Variants in SIM2 observed in about 807,000 individuals in gnomAD.
SIM2 encodes single-minded homolog 2.
A neutral mutation model predicts 64.8 loss-of-function variants in SIM2; 28 were observed. The observed-to-expected ratio is 0.43, with a 90% CI of 0.32 to 0.59. The LOEUF is 0.59. Among genes scored for constraint, SIM2 ranks in the 20% least tolerant of loss-of-function variants. The pLI is 0.07. For synonymous variants in SIM2, 408 were observed against 391.1 expected (o/e 1.04, Z -0.51); for missense variants, 847 against 871.4 (o/e 0.97, Z 0.35).
At chr21:36,715,929 A>G (rs1332997474) in intron 3 of SIM2, among the ~76,000 whole-genome samples, 2 of 152,182 alleles carry the variant, frequency 1.3e-5, no homozygotes, top group African/African-American at 4.8e-5. Flanking sequence ...ACACTAGTAA[A>G]CAAGTGATTG....
intron 1 of SIM2, among the ~76,000 whole-genome samples, chr21:36,707,404 G>A (rs1360229361): frequency 6.6e-6 from 1 of 152,110 alleles, no homozygotes; most frequent in African/African-American, 2.4e-5. Flanking sequence ...GATTTCCCGG[G>A]ATTAAAAAGC....
chr21:36,715,855 G>T (rs184910565), intron 3 of SIM2, among the ~76,000 whole-genome samples: 104 of 152,154 alleles, frequency 6.8e-4, no homozygotes, highest in Non-Finnish European at 1.3e-3. Context: ...AGCCTTATTT[G>T]AACAAGTGTT....
intron 2 of SIM2, 158 bp downstream of exon 2, chr21:36,709,408 G>A (rs1199919383): frequency 1.4e-6 from 1 of 720,704 alleles, no homozygotes; most frequent in Non-Finnish European, 2.5e-6. Context: ...AGGGATGGAC[G>A]CTTAGCATGT....
intron 3 of SIM2, among the ~76,000 whole-genome samples, chr21:36,713,740 C>CA (rs1555874693): frequency 6.6e-6 from 1 of 152,148 alleles, no homozygotes; most frequent in East Asian, 1.9e-4. Flanking sequence ...TCTGCCAATA[C>CA]TTTTTTTTAT....
Position 36,719,957 on chromosome 21 carries a change from A to C in SIM2, c.457+28A>C, listed in dbSNP as rs77335240. ...ATTCCATCCAGAGGGAAAAAAAAAA[A>C]CAGACTAAAAGCAAGGCGACATTCT... On this transcript the variant is annotated intron_variant, in intron 4 of 10. Coordinates refer to ENST00000290399, the MANE Select transcript of SIM2 (RefSeq NM_005069.6). 1.2e-5 allele frequency: 16 copies of C among 1,282,658 alleles called. No individual in the cohort carries two copies. The Middle Eastern group carries it at 5.5e-4, about 44-fold the overall frequency. 79.5% of individuals were successfully genotyped at this position (1,282,658 alleles called of 1,614,324 possible).
chr21:36,714,064 G>A (rs1019404857), intron 3 of SIM2, among the ~76,000 whole-genome samples: 8 of 152,110 alleles, frequency 5.3e-5, no homozygotes, highest in Non-Finnish European at 7.4e-5. Flanking sequence ...AAGTAAATGC[G>A]GTCTTTCCAT....
chr21:36,742,643 T>C (rs886104016), intron 8 of SIM2, among the ~76,000 whole-genome samples: 5 of 152,138 alleles, frequency 3.3e-5, no homozygotes, highest in African/African-American at 9.7e-5. Context: ...ATAGCTATTG[T>C]ACGTTCAATC....
At chr21:36,722,072 C>T (rs530637652) in intron 4 of SIM2, among the ~76,000 whole-genome samples, 2 of 152,158 alleles carry the variant, frequency 1.3e-5, no homozygotes, top group Non-Finnish European at 2.9e-5. Context: ...AAATGACCCC[C>T]GTTGTTTTAT....
At chr21:36,712,346 G>A (rs1243158566) in intron 2 of SIM2, among the ~76,000 whole-genome samples, 187 bp from the exon 3 acceptor site, 1 of 152,178 alleles carries the variant, frequency 6.6e-6, no homozygotes. Flanking sequence ...AGCCTGGCCT[G>A]GGAACTAAAC....
chr21:36,746,056 C>T (rs2089224101), intron 10 of SIM2: 1 of 1,061,780 alleles, frequency 9.4e-7, no homozygotes, highest in Non-Finnish European at 1.2e-6. Context: ...TGGCTCACAC[C>T]TGTAATCCCA....
chr21:36,729,783 C>T (rs2088941289), intron 6 of SIM2, among the ~76,000 whole-genome samples: 2 of 152,170 alleles, frequency 1.3e-5, no homozygotes, highest in South Asian at 2.1e-4. Flanking sequence ...TGCCCGGCCC[C>T]ATTGCCCAAA....
At chr21:36,741,004 G>A (rs2089152269) in intron 7 of SIM2, among the ~76,000 whole-genome samples, 1 of 152,208 alleles carries the variant, frequency 6.6e-6, no homozygotes, top group Non-Finnish European at 1.5e-5. Flanking sequence ...GGAAGGCGGT[G>A]AGGTGGAATT....
chr21:36,724,206 CT>C (rs2088860882), intron 5 of SIM2, among the ~76,000 whole-genome samples: 1 of 152,218 alleles, frequency 6.6e-6, no homozygotes, highest in South Asian at 2.1e-4. Flanking sequence ...ATGTTTCTTC[CT>C]TTTTGTCCCA....
chr21:36,735,635 A>G (rs1289186501), intron 7 of SIM2, among the ~76,000 whole-genome samples: 1 of 151,874 alleles, frequency 6.6e-6, no homozygotes, highest in Non-Finnish European at 1.5e-5. Context: ...CAACCAAGGG[A>G]CCTCAGGTCT....
intron 1 of SIM2, 37 bp from the exon 2 acceptor site, chr21:36,709,131 G>A (rs767114456): frequency 1.9e-6 from 3 of 1,569,450 alleles, no homozygotes; most frequent in East Asian, 4.6e-5. Context: ...CGGGCTGGGC[G>A]CTGCAGTTTA....
At chr21:36,704,215 C>A (rs906200388) in intron 1 of SIM2, among the ~76,000 whole-genome samples, 9 of 152,220 alleles carry the variant, frequency 5.9e-5, no homozygotes, top group African/African-American at 2.2e-4. Flanking sequence ...CCACGAGAAG[C>A]CAGGTTATCT....
chr21:36,713,785 T>G (rs771882340), intron 3 of SIM2, among the ~76,000 whole-genome samples: 1 of 152,258 alleles, frequency 6.6e-6, no homozygotes. Flanking sequence ...TCTCTTCTGA[T>G]GTATGGATAT....
chr21:36,727,496 C>A, intron 6 of SIM2, among the ~76,000 whole-genome samples: 1 of 152,216 alleles, frequency 6.6e-6, no homozygotes, highest in East Asian at 1.9e-4. Context: ...CAGGCCTCTT[C>A]CATGTTCTTA....
chr21:36,709,177 A>G lies in SIM2; in HGVS notation c.185A>G (p.Asp62Gly). ...MRAVFPEGLG[D>G]AWGQPSRAGP... ...TTCGTCCCTCGTCCAGGTTTAGGAG[A>G]CGCGTGGGGACAGCCGAGCCGCGCC... Residue 62 changes from aspartate (D) to glycine (G), a missense_variant, in exon 2 of 11, where the codon GAC (aspartate) becomes GGC (glycine). Asp to Gly is a moderately conservative substitution (Grantham distance 94, BLOSUM62 -1). Coordinates refer to ENST00000290399, the MANE Select transcript of SIM2 (RefSeq NM_005069.6). The G allele has an allele frequency of 6.2e-7, 1 of 1,608,762 alleles. No individual in the cohort carries two copies. The highest frequency in any genetic ancestry group is 8.5e-7 in the Non-Finnish European group (1 of 1,178,284).
Sources: allele counts gnomAD v4.1 joint callset (sites outside exome capture counted in the v4.1 genomes callset), GRCh38; gene constraint gnomAD v4.1.1; transcripts MANE v1.5; gene names NCBI Gene and HGNC (gene_info 2026-07-23, HGNC 2026-07-21).